FOXP1: variants seen among roughly 807,000 people sequenced by gnomAD.
The protein encoded by FOXP1 is forkhead box protein P1.
A neutral mutation model predicts 98.2 loss-of-function variants in FOXP1; 15 were observed. The ratio of observed to expected loss-of-function variants is 0.15; its 90% CI spans 0.10 to 0.24. The LOEUF (loss-of-function observed/expected upper bound fraction) is 0.24, where lower values mean the gene tolerates loss of function less well. Ranked by LOEUF, FOXP1 falls within the 10% of genes least tolerant of loss-of-function variation. The probability of loss-of-function intolerance (pLI) is 1.00; values close to 1 mark genes in which losing one functional copy is unlikely to be tolerated. For synonymous variants in FOXP1, 371 were observed against 314.5 expected (o/e 1.18, Z -1.90); for missense variants, 633 against 848.5 (o/e 0.75, Z 3.15).
At chr3:71,264,466 G>T (rs186800694) in intron 5 of FOXP1, among the ~76,000 whole-genome samples, 1 of 152,282 alleles carries the variant, frequency 6.6e-6, no homozygotes, top group Admixed American at 6.5e-5. Context: ...ATAAAATCTT[G>T]ATATCAGGAA....
chr3:71,315,994 T>C (rs898975265), intron 4 of FOXP1, among the ~76,000 whole-genome samples: 2 of 152,172 alleles, frequency 1.3e-5, no homozygotes, highest in African/African-American at 2.4e-5. Flanking sequence ...AAAGGAGACA[T>C]TTCCACACTT....
chr3:71,509,744 C>T (rs1200326388), intron 2 of FOXP1, among the ~76,000 whole-genome samples: 1 of 152,038 alleles, frequency 6.6e-6, no homozygotes, highest in Non-Finnish European at 1.5e-5. Context: ...TAGCCGGGCT[C>T]AGTGACATGC....
At chr3:71,556,947 T>C (rs551015238) in intron 2 of FOXP1, among the ~76,000 whole-genome samples, 27 of 151,510 alleles carry the variant, frequency 1.8e-4, no homozygotes, top group Admixed American at 2.0e-4. Context: ...TGACTGGAAG[T>C]GCAGCAATCT....
At chr3:71,435,022 G>A (rs922364895) in intron 3 of FOXP1, among the ~76,000 whole-genome samples, 14 of 151,280 alleles carry the variant, frequency 9.3e-5, no homozygotes, top group Admixed American at 2.0e-4. Flanking sequence ...TCAGCTTTAC[G>A]GCATGTCGTC....
At chr3:71,544,466 G>A (rs1224932283) in intron 2 of FOXP1, among the ~76,000 whole-genome samples, 1 of 151,116 alleles carries the variant, frequency 6.6e-6, no homozygotes, top group Non-Finnish European at 1.5e-5. Context: ...AGTACTACAA[G>A]TGAACAAAGT....
intron 3 of FOXP1, among the ~76,000 whole-genome samples, chr3:71,378,429 T>G (rs1242402279): frequency 6.6e-6 from 1 of 152,146 alleles, no homozygotes; most frequent in Non-Finnish European, 1.5e-5. Context: ...CCATAAATTT[T>G]CAATTGCCCA....
chr3:71,090,424 C>G (rs1207434203), intron 7 of FOXP1, among the ~76,000 whole-genome samples: 1 of 152,068 alleles, frequency 6.6e-6, no homozygotes, highest in East Asian at 1.9e-4. Flanking sequence ...GGAGAACCAC[C>G]CTTGGGGGGA....
chr3:71,117,320 C>G (rs2058443536), intron 6 of FOXP1, among the ~76,000 whole-genome samples: 1 of 152,184 alleles, frequency 6.6e-6, no homozygotes, highest in Admixed American at 6.5e-5. Flanking sequence ...TTCCTGGGCT[C>G]AAGCAATCCT....
At chr3:71,504,366 G>A (rs531032624) in intron 2 of FOXP1, among the ~76,000 whole-genome samples, 1 of 152,092 alleles carries the variant, frequency 6.6e-6, no homozygotes, top group Admixed American at 6.5e-5. Flanking sequence ...TCAGCATTTA[G>A]TTGTCTGAGC....
At chr3:71,222,834 G>T (rs1303550174) in intron 5 of FOXP1, among the ~76,000 whole-genome samples, 1 of 151,998 alleles carries the variant, frequency 6.6e-6, no homozygotes, top group African/African-American at 2.4e-5. Flanking sequence ...CTCCTTTACC[G>T]ATTATTTCTA....
chr3:71,389,473 AACG>A (rs962723540), intron 3 of FOXP1, among the ~76,000 whole-genome samples: 1 of 152,190 alleles, frequency 6.6e-6, no homozygotes, highest in Non-Finnish European at 1.5e-5. Flanking sequence ...GGATGAACAC[AACG>A]ACGTGTACAA....
At chr3:71,140,715 T>A (rs2060026672) in intron 6 of FOXP1, among the ~76,000 whole-genome samples, 1 of 152,136 alleles carries the variant, frequency 6.6e-6, no homozygotes, top group Non-Finnish European at 1.5e-5. Flanking sequence ...TAAGTAGGTA[T>A]CCAAATACTG....
chr3:71,071,084 A>G (rs1242879623), intron 7 of FOXP1, among the ~76,000 whole-genome samples: 2 of 152,268 alleles, frequency 1.3e-5, no homozygotes, highest in East Asian at 3.9e-4. Context: ...TCTTTCCCTA[A>G]TAGTCACCAA....
At chr3:71,166,550 G>A (rs2061408546) in intron 6 of FOXP1, among the ~76,000 whole-genome samples, 1 of 152,000 alleles carries the variant, frequency 6.6e-6, no homozygotes, top group South Asian at 2.1e-4. Flanking sequence ...ATTTTAATAG[G>A]AGCAACTCTT....
chr3:71,243,079 C>T (rs2067424298), intron 5 of FOXP1, among the ~76,000 whole-genome samples: 1 of 152,136 alleles, frequency 6.6e-6, no homozygotes, highest in East Asian at 1.9e-4. Flanking sequence ...ATCTCCCCGT[C>T]TAATTAAAGG....
intron 2 of FOXP1, among the ~76,000 whole-genome samples, chr3:71,512,330 G>A (rs1027349711): frequency 6.6e-6 from 1 of 152,082 alleles, no homozygotes; most frequent in East Asian, 1.9e-4. Context: ...CATCTCAGGA[G>A]AAGATTTAAG....
chr3:71,480,452 T>C (rs2090183600), intron 3 of FOXP1, among the ~76,000 whole-genome samples: 1 of 152,196 alleles, frequency 6.6e-6, no homozygotes, highest in Non-Finnish European at 1.5e-5. Context: ...CTTCTCAGAT[T>C]TCGAATTTAG....
chr3:71,263,871 A>G (rs1356826148), intron 5 of FOXP1, among the ~76,000 whole-genome samples: 1 of 151,822 alleles, frequency 6.6e-6, no homozygotes, highest in Non-Finnish European at 1.5e-5. Context: ...CAGCCTCCTG[A>G]ATAGCTGAGA....
intron 7 of FOXP1, among the ~76,000 whole-genome samples, chr3:71,096,457 T>C (rs2056465178): frequency 6.6e-6 from 1 of 152,168 alleles, no homozygotes; most frequent in Admixed American, 6.5e-5. Flanking sequence ...ACCCCTAGGA[T>C]TGAAAACCAC....
Sources: gnomAD v4.1 joint callset for allele counts (sites outside exome capture counted in the v4.1 genomes callset) on GRCh38, gnomAD v4.1.1 for gene constraint, MANE v1.5 for transcripts, NCBI Gene and HGNC (gene_info 2026-07-23, HGNC 2026-07-21) for gene names.